NLRP5: variants seen among roughly 807,000 people sequenced by gnomAD.
NLRP5 encodes the protein NACHT, LRR and PYD domains-containing protein 5.
A neutral mutation model predicts 113.1 loss-of-function variants in NLRP5; 93 were observed. The observed-to-expected ratio is 0.82, with a 90% CI of 0.70 to 0.98. The LOEUF is 0.98. Ranked by LOEUF, NLRP5 falls within the 50% of genes least tolerant of loss-of-function variation. NLRP5 has a pLI of 0.00. For missense variants in NLRP5, 1,808 were observed against 1,514.3 expected (o/e 1.19, Z -3.22); for synonymous variants, 751 against 600.7 (o/e 1.25, Z -3.66).
intron 2 of NLRP5, among the ~76,000 whole-genome samples, chr19:56,007,263 C>G (rs1487755554): frequency 6.6e-6 from 1 of 150,988 alleles, no homozygotes. Context: ...ACTAGGTAGG[C>G]TGAGGCAGGA....
chr19:56,022,927 T>C (rs1226101623), intron 6 of NLRP5, among the ~76,000 whole-genome samples: 2 of 152,112 alleles, frequency 1.3e-5, no homozygotes, highest in African/African-American at 2.4e-5. Context: ...GGTTTGTCCA[T>C]ATTGGTCAGG....
intron 3 of NLRP5, among the ~76,000 whole-genome samples, chr19:56,014,112 C>A (rs1447639617): frequency 6.6e-6 from 1 of 152,118 alleles, no homozygotes; most frequent in Admixed American, 6.6e-5. Flanking sequence ...TCCTTTGAAG[C>A]ACAGCGGGCT....
intron 10 of NLRP5, among the ~76,000 whole-genome samples, chr19:56,039,258 C>G (rs1008791646): frequency 1.3e-5 from 2 of 152,138 alleles, no homozygotes; most frequent in Non-Finnish European, 2.9e-5. Flanking sequence ...CTGAGCCACC[C>G]AGCGTGGCAG....
intron 11 of NLRP5, among the ~76,000 whole-genome samples, chr19:56,043,176 C>G (rs569705364): frequency 4.1e-4 from 63 of 152,310 alleles, no homozygotes; most frequent in Middle Eastern, 3.4e-3. Context: ...TTTAAGGAAT[C>G]TCCACACTGC....
chr19:56,003,408 T>G (rs112340962), intron 1 of NLRP5, among the ~76,000 whole-genome samples: 1 of 152,056 alleles, frequency 6.6e-6, no homozygotes, highest in African/African-American at 2.4e-5. Context: ...CCTGCCTTGG[T>G]CTCCCAAAGT....
intron 2 of NLRP5, 49 bp from the exon 3 acceptor site, chr19:56,008,739 A>C (rs1468630126): frequency 2.0e-6 from 3 of 1,516,244 alleles, no homozygotes; most frequent in Non-Finnish European, 9.0e-7. Context: ...GGCTTGGGTA[A>C]TTACAGTGAC....
intron 6 of NLRP5, among the ~76,000 whole-genome samples, chr19:56,024,888 G>A (rs1354149308): frequency 6.6e-6 from 1 of 152,146 alleles, no homozygotes; most frequent in Admixed American, 6.6e-5. Context: ...GAACCAGGCA[G>A]TATAGCAGGA....
chr19:56,033,576 C>T lies in NLRP5; in HGVS notation c.2482C>T (p.His828Tyr). The T allele has an allele frequency of 1.2e-6, 2 of 1,613,770 alleles. No individual in the cohort carries two copies. The highest frequency in any genetic ancestry group is 4.5e-5 in the East Asian group (2 of 44,862). Residue 828 changes from histidine to tyrosine, a missense_variant, in exon 9 of 15, where the codon CAC becomes TAC. Transcript: ENST00000390649. ...TGCACAGATTACCCCTGGTGTGCAG[C>T]ACCTCTGGAGAATCGTCATGGCCAA...
intron 10 of NLRP5, among the ~76,000 whole-genome samples, chr19:56,038,723 G>A (rs894221541): frequency 7.9e-5 from 12 of 152,184 alleles, no homozygotes; most frequent in Admixed American, 3.9e-4. Context: ...CCAGAGCAGG[G>A]ATGAACCCAG....
chr19:56,058,128 T>C (rs145241753), intron 13 of NLRP5, 112 bp from the exon 14 acceptor site: 2 of 792,792 alleles, frequency 2.5e-6, no homozygotes, highest in African/African-American at 4.0e-5. Flanking sequence ...TGTTTGTTTT[T>C]GTTTTGTTTT....
At chr19:55,994,500 C>T in the NLRP5 span, among the ~76,000 whole-genome samples, 601 of 152,282 alleles carry the variant, frequency 3.9e-3, 11 homozygotes, top group East Asian at 0.053. Flanking sequence ...CTAGTTCAAG[C>T]GATTCTCCTG....
chr19:56,027,919 T>C lies in NLRP5; in HGVS notation c.1686T>C (p.Arg562=), dbSNP rs1433390207. The C allele has an allele frequency of 2.5e-6, 4 of 1,613,770 alleles. No individual in the cohort carries two copies. The highest frequency in any genetic ancestry group is 2.5e-6 in the Non-Finnish European group (3 of 1,179,860). Residue 562 remains arginine (R), a synonymous_variant, in exon 7 of 15, where the codon CGT becomes CGC. Transcript: ENST00000390649. The stretch of plus-strand genomic sequence containing the variant: ...AAGGACTCGGGGAGTCTGAGCTCCG[T>C]GCTCTGTTTCACATGAACATCCTTC...
At position 56,027,629 on chromosome 19, in the gene NLRP5, G is replaced by C; in HGVS notation, c.1396G>C (p.Asp466His). 2.5e-6 allele frequency: 4 copies of C among 1,613,556 alleles called. No homozygotes were observed. Among genetic ancestry groups the C allele is most frequent in the Non-Finnish European group, 3.4e-6 (4 of 1,179,892 alleles). Reference sequence around the variant, plus strand: ...GATCATGAACAACCGTGAGCTGCTCGACCAGTGCCAGGTGCCCGCCGTGGG... The same window carrying C: ...GATCATGAACAACCGTGAGCTGCTCCACCAGTGCCAGGTGCCCGCCGTGGG... Residue 466 changes from aspartate (D) to histidine (H), a missense_variant, in exon 7 of 15, where the codon GAC (aspartate) becomes CAC (histidine). Transcript: ENST00000390649.
rs770624516 is a variant in NLRP5 at position 56,030,714 on chromosome 19, C to CTTTTTTTTTTTTTTTTTTTTTTTTT, written c.2277-1879_2277-1878insTTTTTTTTTTTTTTTTTTTTTTTTT. Among the ~76,000 whole-genome samples, 164 of 71,336 alleles carry CTTTTTTTTTTTTTTTTTTTTTTTTT rather than the reference C, an allele frequency of 2.3e-3. 34 individuals are homozygous for CTTTTTTTTTTTTTTTTTTTTTTTTT. Among genetic ancestry groups the CTTTTTTTTTTTTTTTTTTTTTTTTT allele is most frequent in the African/African-American group, 4.6e-3 (64 of 13,966 alleles). The allele number at this position is 71,336 out of a possible 152,430, so 46.8% of individuals were successfully genotyped here. On this transcript the variant is annotated intron_variant, in intron 7 of 14. Transcript: ENST00000390649. ...ACTTACATTCATTCGCTTTCTTCTT[C>CTTTTTTTTTTTTTTTTTTTTTTTTT]TTTTTTTTTTTTTTTTTTGAGACGG...
rs1178845127 is a variant in NLRP5, at chr19:56,059,202, T to TCA, written c.3470+799_3470+800dup. Among the ~76,000 whole-genome samples, 7 of 152,322 alleles carry TCA rather than the reference T, an allele frequency of 4.6e-5. No homozygotes were observed. In the South Asian group the frequency reaches 1.4e-3, roughly 32 times the overall value. ...CCTAGCAGGAAGTTTCTTCAGTAGCTCACACACATCATTTCAGCTTCCCCT... is the reference window on the plus strand; with the variant it reads ...CCTAGCAGGAAGTTTCTTCAGTAGCTCACACACACATCATTTCAGCTTCCCCT... On this transcript the variant is annotated intron_variant, in intron 14 of 14. Transcript: ENST00000390649.
intron 5 of NLRP5, 127 bp downstream of exon 5, chr19:56,019,525 T>A: frequency 9.6e-7 from 1 of 1,037,732 alleles, no homozygotes; most frequent in Non-Finnish European, 1.4e-6. Flanking sequence ...TTGTCTCTGG[T>A]GTCAACCCCT....
At chr19:55,999,207 T>TTTTAC, upstream of NLRP5, among the ~76,000 whole-genome samples, 1 of 128,408 alleles carries the variant, frequency 7.8e-6, no homozygotes, top group African/African-American at 2.9e-5. Flanking sequence ...TTTTTTTTTC[T>TTTTAC]TTTTCTTTTT....
intron 9 of NLRP5, among the ~76,000 whole-genome samples, chr19:56,034,015 C>T (rs1039236043): frequency 6.6e-6 from 1 of 152,234 alleles, no homozygotes; most frequent in Admixed American, 6.5e-5. Flanking sequence ...GGTGGTCCTC[C>T]CCGCTTGGCC....
chr19:56,018,500 G>A (rs10402178), intron 4 of NLRP5: 1 of 152,166 alleles, frequency 6.6e-6, no homozygotes, highest in African/African-American at 2.4e-5. Flanking sequence ...TTCTAGATGA[G>A]CATACAGAAA....
Sources: allele counts gnomAD v4.1 joint callset (sites outside exome capture counted in the v4.1 genomes callset), GRCh38; gene constraint gnomAD v4.1.1; transcripts MANE v1.5; gene names NCBI Gene and HGNC (gene_info 2026-07-23, HGNC 2026-07-21).